The following AGBL1 variants were observed in gnomAD, a reference collection of about 807,000 sequenced individuals.
AGBL1 encodes cytosolic carboxypeptidase 4.
In AGBL1, 130 loss-of-function variants were observed where a neutral mutation model predicts 118.9. That is an observed-to-expected ratio of 1.09 (90% CI 0.95 to 1.26). The LOEUF is 1.26. AGBL1 is among the 50% of genes most tolerant of loss of function. The probability of loss-of-function intolerance (pLI) is 0.00; values close to 1 mark genes in which losing one functional copy is unlikely to be tolerated. For synonymous variants in AGBL1, 555 were observed against 478.9 expected, an observed-to-expected ratio of 1.16 and a Z score of -2.08; for missense variants, 1,584 against 1,298.1, an observed-to-expected ratio of 1.22 and a Z score of -3.38.
intron 17 of AGBL1, among the ~76,000 whole-genome samples, chr15:86,370,616 G>T (rs1390010054): frequency 1.3e-5 from 2 of 152,108 alleles, no homozygotes; most frequent in Non-Finnish European, 2.9e-5. Flanking sequence ...TTTAACGCCA[G>T]GACAGGTGAT....
intron 18 of AGBL1, among the ~76,000 whole-genome samples, chr15:86,434,275 C>A (rs1414655562): frequency 2.0e-5 from 3 of 152,196 alleles, no homozygotes; most frequent in Non-Finnish European, 2.9e-5. Flanking sequence ...AGTTATCTGA[C>A]AACATGTGTC....
rs147456012 is a variant in AGBL1, at chr15:86,081,299, C to G, written c.51+1276C>G. On this transcript the variant is annotated intron_variant, in intron 1 of 22. Coordinates refer to ENST00000614907, the MANE Select transcript of AGBL1 (RefSeq NM_001386094.1). ...ACCTCAGGTAATCCACCTCGGCCTC[C>G]CAAAATGCTGGGATTACAGGCGTGA... Among the ~76,000 whole-genome samples, 1,277 of 152,280 alleles carry G rather than the reference C, an allele frequency of 8.4e-3. 19 individuals carry two copies. The highest frequency in any genetic ancestry group is 0.028 in the African/African-American group (1,150 of 41,558).
chr15:86,890,652 T>A (rs2080040384), intron 22 of AGBL1, among the ~76,000 whole-genome samples: 1 of 152,160 alleles, frequency 6.6e-6, no homozygotes, highest in South Asian at 2.1e-4. Context: ...GGGAATTCTT[T>A]CCCTATTGCT....
At chr15:87,012,245 A>T (rs1461998008) in intron 24 of AGBL1, among the ~76,000 whole-genome samples, 1 of 143,230 alleles carries the variant, frequency 7.0e-6, no homozygotes. Context: ...ATATCTGCTC[A>T]TTATTCAGCC....
intron 6 of AGBL1, among the ~76,000 whole-genome samples, chr15:86,226,183 G>A (rs1325875955): frequency 1.3e-5 from 2 of 152,118 alleles, no homozygotes; most frequent in Non-Finnish European, 2.9e-5. Context: ...GTGGGTTCTG[G>A]GGAGAGGACC....
chr15:86,141,605 C>G (rs1043293022), intron 1 of AGBL1, among the ~76,000 whole-genome samples: 1 of 152,082 alleles, frequency 6.6e-6, no homozygotes, highest in Admixed American at 6.5e-5. Context: ...GAGTGGAGAT[C>G]GCACCACTGC....
intron 21 of AGBL1, among the ~76,000 whole-genome samples, chr15:86,602,141 G>A (rs1047146215): frequency 1.3e-4 from 19 of 149,610 alleles, no homozygotes; most frequent in African/African-American, 4.2e-4. Flanking sequence ...AAAATATCAC[G>A]ACATTGGCAA....
intron 22 of AGBL1, among the ~76,000 whole-genome samples, chr15:86,843,315 G>T (rs1378024576): frequency 6.6e-6 from 1 of 152,004 alleles, no homozygotes; most frequent in Non-Finnish European, 1.5e-5. Context: ...TAGGTTTCAT[G>T]CAGGCAACAC....
intron 22 of AGBL1, among the ~76,000 whole-genome samples, chr15:86,687,719 GT>G (rs2086085166): frequency 6.6e-6 from 1 of 152,072 alleles, no homozygotes; most frequent in South Asian, 2.1e-4. Context: ...AAATCTGCAC[GT>G]TTTTGTTGAG....
chr15:86,726,438 C>T lies in AGBL1; in HGVS notation c.3158+52002C>T, dbSNP rs112533168. Among the ~76,000 whole-genome samples, 696 of 152,204 alleles carry T rather than the reference C, an allele frequency of 4.6e-3. 4 individuals are homozygous for T. Among genetic ancestry groups the T allele is most frequent in the African/African-American group, 0.016 (660 of 41,536 alleles). The stretch of plus-strand genomic sequence containing the variant: ...TTGTGTGAACTCACTCTGTGAGGAT[C>T]GGTTTCTCCATCTATATAAAGAAAG... On this transcript the variant is annotated intron_variant, in intron 22 of 22. Transcript: ENST00000614907.
intron 17 of AGBL1, among the ~76,000 whole-genome samples, chr15:86,352,120 A>G (rs1374414056): frequency 6.6e-6 from 1 of 152,216 alleles, no homozygotes; most frequent in Non-Finnish European, 1.5e-5. Context: ...GCTGGCCAGT[A>G]GCAAGACTGG....
At chr15:87,007,554 T>C (rs1388700645) in intron 24 of AGBL1, among the ~76,000 whole-genome samples, 1 of 152,184 alleles carries the variant, frequency 6.6e-6, no homozygotes, top group Non-Finnish European at 1.5e-5. Context: ...TTGTTCATAA[T>C]AGACATGAAT....
chr15:86,159,582 C>G (rs1264665965), intron 5 of AGBL1, among the ~76,000 whole-genome samples: 3 of 151,964 alleles, frequency 2.0e-5, no homozygotes, highest in Admixed American at 2.0e-4. Flanking sequence ...AGCCTGTTCT[C>G]CCTGCCTCTG....
intron 18 of AGBL1, among the ~76,000 whole-genome samples, chr15:86,420,315 T>C (rs1414054295): frequency 6.6e-6 from 1 of 152,060 alleles, no homozygotes; most frequent in Non-Finnish European, 1.5e-5. Context: ...TGGTGACACC[T>C]AGGCAAACAG....
chr15:86,096,500 A>G (rs1458535082), intron 1 of AGBL1, among the ~76,000 whole-genome samples: 4 of 152,184 alleles, frequency 2.6e-5, no homozygotes, highest in African/African-American at 9.6e-5. Flanking sequence ...AAAATCCTGG[A>G]TTAGGCAGTC....
At chr15:86,351,772 T>C (rs1228576656) in intron 17 of AGBL1, among the ~76,000 whole-genome samples, 2 of 152,244 alleles carry the variant, frequency 1.3e-5, no homozygotes, top group Non-Finnish European at 2.9e-5. Flanking sequence ...GGGATTCTTT[T>C]CTGTCCTTCT....
At chr15:86,526,555 T>C (rs564153191) in intron 19 of AGBL1, among the ~76,000 whole-genome samples, 3 of 137,970 alleles carry the variant, frequency 2.2e-5, no homozygotes, top group African/African-American at 8.5e-5. Flanking sequence ...TATATATATA[T>C]ATATATATAT....
chr15:86,543,266 C>T (rs1166477167), intron 19 of AGBL1, among the ~76,000 whole-genome samples: 1 of 152,080 alleles, frequency 6.6e-6, no homozygotes, highest in Non-Finnish European at 1.5e-5. Flanking sequence ...TGCTTCCTCT[C>T]TACTACAAGG....
intron 22 of AGBL1, among the ~76,000 whole-genome samples, chr15:86,872,476 G>A (rs766063881): frequency 3.3e-5 from 5 of 152,120 alleles, no homozygotes; most frequent in Non-Finnish European, 4.4e-5. Flanking sequence ...ACAAGAGGCC[G>A]TGGGTGCAGT....
Sources: gnomAD v4.1 joint callset for allele counts (sites outside exome capture counted in the v4.1 genomes callset) on GRCh38, gnomAD v4.1.1 for gene constraint, MANE v1.5 for transcripts, NCBI Gene and HGNC (gene_info 2026-07-23, HGNC 2026-07-21) for gene names.